The following SEL1L variants were observed in gnomAD, a reference collection of about 807,000 sequenced individuals.
The protein encoded by SEL1L is SEL1L adaptor subunit of SYVN1 ubiquitin ligase, also known as protein sel-1 homolog 1.
A neutral mutation model predicts 109.8 loss-of-function variants in SEL1L; 52 were observed. The ratio of observed to expected loss-of-function variants is 0.47; its 90% CI spans 0.38 to 0.60. The LOEUF (loss-of-function observed/expected upper bound fraction) is 0.60, where lower values mean the gene tolerates loss of function less well. Ranked by LOEUF, SEL1L falls within the 20% of genes least tolerant of loss-of-function variation. SEL1L has a pLI of 0.00. For missense variants in SEL1L, 749 were observed against 962.2 expected (o/e 0.78, Z 2.93); for synonymous variants, 373 against 339.6 (o/e 1.10, Z -1.08).
rs1903020791 is a variant in SEL1L, at chr14:81,471,759, AC to A, written c.*5212del. The A allele has an allele frequency of 6.6e-6, 1 of 152,222 alleles. No individual in the cohort carries two copies. The highest frequency in any genetic ancestry group is 2.4e-5 in the African/African-American group (1 of 41,444). The allele number at this position is 152,222 out of a possible 1,614,324, so 9.4% of individuals were successfully genotyped here. Reference sequence around the variant, plus strand: ...AGAGTTCTACTCAAAATATAATACTACCAATAAACTACTAGCATAGTGAATT... The same window carrying A: ...AGAGTTCTACTCAAAATATAATACTACAATAAACTACTAGCATAGTGAATT... On this transcript the variant is annotated 3_prime_UTR_variant, in exon 21 of 21. Coordinates refer to ENST00000336735, the MANE Select transcript of SEL1L (RefSeq NM_005065.6).
At position 81,474,578 on chromosome 14, in the gene SEL1L, A is replaced by T. The variant is rs887596298; in HGVS notation, c.*2394T>A. ...ATGGATGCCATTTGATTAGGTAAGT[A>T]TTGAGCATTATTTTAGGAGAAAAAC... On this transcript the variant is annotated 3_prime_UTR_variant, in exon 21 of 21. Coordinates refer to ENST00000336735, the MANE Select transcript of SEL1L (RefSeq NM_005065.6). The T allele has an allele frequency of 6.6e-6, 1 of 152,214 alleles. No individual in the cohort carries two copies. Among genetic ancestry groups the T allele is most frequent in the Non-Finnish European group, 1.5e-5 (1 of 68,046 alleles). 9.4% of individuals were successfully genotyped at this position (152,214 alleles called of 1,614,324 possible). A position where few individuals can be genotyped will look rare whatever the true frequency, so the allele number is the denominator to read the frequency against.
chr14:81,486,211 C>T (rs1903514889), intron 17 of SEL1L, 78 bp downstream of exon 17: 20 of 1,360,962 alleles, frequency 1.5e-5, no homozygotes, highest in Non-Finnish European at 2.0e-5. Flanking sequence ...AGTAGCTTTT[C>T]TTTTTGAATA....
At chr14:81,503,232 C>T (rs1200046225) in intron 5 of SEL1L, among the ~76,000 whole-genome samples, 1 of 152,222 alleles carries the variant, frequency 6.6e-6, no homozygotes, top group East Asian at 1.9e-4. Context: ...TCACCTCAGC[C>T]TCCCAAAGTG....
intron 3 of SEL1L, among the ~76,000 whole-genome samples, chr14:81,515,650 G>A (rs146410040): frequency 0.027 from 4,184 of 152,280 alleles, 188 homozygotes; most frequent in African/African-American, 0.096. Context: ...ATAACTCAGG[G>A]AAAGGAAGAA....
Position 81,498,565 on chromosome 14 carries a change from A to AAGCTAAGC in SEL1L, c.892-79_892-72dup, listed in dbSNP as rs934866652. On this transcript the variant is annotated intron_variant, in intron 8 of 20. Coordinates refer to ENST00000336735, the MANE Select transcript of SEL1L (RefSeq NM_005065.6). ...AGTGTCATTCTTCGTGGAACAAATA[A>AAGCTAAGC]AGCTAAGCATACCCAGAATTTTGCT... 3 of 1,178,226 alleles carry AAGCTAAGC rather than the reference A, an allele frequency of 2.5e-6. No homozygotes were observed. The African/African-American group carries it at 4.6e-5, about 18-fold the overall frequency. 73.0% of individuals were successfully genotyped at this position (1,178,226 alleles called of 1,614,324 possible).
Position 81,502,721 on chromosome 14 carries a change from A to G in SEL1L, c.777T>C (p.Thr259=). The part of the protein sequence containing the change: ...LTEEGSPKGQ[T]ALGFLYASGL... ...GATTCTTCACTGAGAATGTACTTAC[A>G]GTCTGTCCCTTGGGAGAGCCTTCCT... Residue 259 remains threonine (T), a splice_region_variant and synonymous_variant, in exon 6 of 21, where the codon ACT becomes ACC. Coordinates refer to ENST00000336735, the MANE Select transcript of SEL1L (RefSeq NM_005065.6). 6.2e-7 allele frequency: 1 copy of G among 1,613,658 alleles called. No homozygotes were observed. The highest frequency in any genetic ancestry group is 8.5e-7 in the Non-Finnish European group (1 of 1,179,724).
intron 16 of SEL1L, 81 bp downstream of exon 16, chr14:81,487,309 A>G: frequency 7.2e-7 from 1 of 1,380,320 alleles, no homozygotes; most frequent in Admixed American, 3.0e-5. Context: ...GAAAACATAC[A>G]AAAAAACCAG....
At chr14:81,489,778 T>C (rs1443401014) in intron 13 of SEL1L, among the ~76,000 whole-genome samples, 2 of 152,178 alleles carry the variant, frequency 1.3e-5, no homozygotes, top group African/African-American at 4.8e-5. Context: ...CTTAGGATTA[T>C]TGGAGTGTCA....
At chr14:81,491,725 G>A (rs1014899578) in intron 12 of SEL1L, among the ~76,000 whole-genome samples, 1 of 152,138 alleles carries the variant, frequency 6.6e-6, no homozygotes, top group Non-Finnish European at 1.5e-5. Context: ...ATGACATATG[G>A]AATTTATTTA....
At chr14:81,516,940 T>C (rs1884724386) in intron 3 of SEL1L, among the ~76,000 whole-genome samples, 1 of 152,184 alleles carries the variant, frequency 6.6e-6, no homozygotes, top group Non-Finnish European at 1.5e-5. Context: ...TAATAAATCA[T>C]AGCTGTGAAG....
At position 81,472,706 on chromosome 14, in the gene SEL1L, T is replaced by C. The variant is rs920066477; in HGVS notation, c.*4266A>G. 2 of 263,436 alleles carry C rather than the reference T, an allele frequency of 7.6e-6. No homozygotes were observed. The highest frequency in any genetic ancestry group is 4.6e-5 in the African/African-American group (2 of 43,250). 16.3% of individuals were successfully genotyped at this position (263,436 alleles called of 1,614,324 possible). ...GATATCAGAGATTTAAAAGATAACATTTCTTAGCAAATTCATGTTCTCCCT... is the reference window on the plus strand; with the variant it reads ...GATATCAGAGATTTAAAAGATAACACTTCTTAGCAAATTCATGTTCTCCCT... On this transcript the variant is annotated 3_prime_UTR_variant, in exon 21 of 21. Transcript: ENST00000336735.
At chr14:81,529,157 A>G (rs1052828139) in intron 1 of SEL1L, among the ~76,000 whole-genome samples, 1 of 152,160 alleles carries the variant, frequency 6.6e-6, no homozygotes, top group East Asian at 1.9e-4. Flanking sequence ...ACATTAGGCA[A>G]TGATGTCAGT....
At chr14:81,499,160 T>C (rs752192929) in intron 8 of SEL1L, 97 of 1,111,630 alleles carry the variant, frequency 8.7e-5, no homozygotes, top group Non-Finnish European at 1.0e-4. Context: ...ATGTAAAAAA[T>C]GATTCTGACA....
At chr14:81,483,982 C>T (rs1043759150) in intron 19 of SEL1L, among the ~76,000 whole-genome samples, 4 of 152,226 alleles carry the variant, frequency 2.6e-5, no homozygotes. Context: ...AAGCACTGCA[C>T]TTCCATTTTC....
rs183686758 is a variant in SEL1L at position 81,494,416 on chromosome 14, C to T, written c.1185+665G>A. ...TTTATTCTTGGGGTCTTCTAATTCACTTTCTATACTGCAGCCAAAGCCATT... is the reference window on the plus strand; with the variant it reads ...TTTATTCTTGGGGTCTTCTAATTCATTTTCTATACTGCAGCCAAAGCCATT... On this transcript the variant is annotated intron_variant, in intron 11 of 20. Transcript: ENST00000336735. 3.1e-3 allele frequency among the ~76,000 whole-genome samples: 476 copies of T among 152,312 alleles called. 2 individuals carry two copies. The Middle Eastern group carries it at 0.037, about 12-fold the overall frequency.
At chr14:81,489,738 G>T (rs111505357) in intron 13 of SEL1L, among the ~76,000 whole-genome samples, 1 of 152,088 alleles carries the variant, frequency 6.6e-6, no homozygotes, top group Middle Eastern at 3.2e-3. Flanking sequence ...TGTAATAATA[G>T]CAATGCTGCT....
At chr14:81,523,501 T>C (rs1472504575) in intron 3 of SEL1L, among the ~76,000 whole-genome samples, 1 of 152,128 alleles carries the variant, frequency 6.6e-6, no homozygotes, top group Non-Finnish European at 1.5e-5. Context: ...CTTTGTAATA[T>C]CCTTTATAAT....
chr14:81,513,382 C>A (rs912237750), intron 3 of SEL1L, among the ~76,000 whole-genome samples: 5 of 152,120 alleles, frequency 3.3e-5, no homozygotes, highest in Non-Finnish European at 7.3e-5. Flanking sequence ...TGAGCTCTAA[C>A]ACTCACTGCG....
chr14:81,486,365 T>G lies in SEL1L; in HGVS notation c.1722A>C (p.Ala574=). ...CAGCCAGGAGGAGGTACTGGATCACTGCAGCATTGTAATCGCCATCTTTAT... is the reference window on the plus strand; with the variant it reads ...CAGCCAGGAGGAGGTACTGGATCACGGCAGCATTGTAATCGCCATCTTTAT... ...NSYKDGDYNA[A]VIQYLLLAEQ... The change falls in exon 17 of 21, where the codon GCA becomes GCC. Residue 574 remains alanine (A), a synonymous_variant. Coordinates refer to ENST00000336735, the MANE Select transcript of SEL1L (RefSeq NM_005065.6). The G allele has an allele frequency of 1.9e-6, 3 of 1,614,196 alleles. No homozygotes were observed. Among genetic ancestry groups the G allele is most frequent in the African/African-American group, 2.7e-5 (2 of 75,058 alleles).
Sources: allele counts gnomAD v4.1 joint callset (sites outside exome capture counted in the v4.1 genomes callset), GRCh38; gene constraint gnomAD v4.1.1; transcripts MANE v1.5; gene names NCBI Gene and HGNC (gene_info 2026-07-23, HGNC 2026-07-21).